ME3: variants seen among roughly 807,000 people sequenced by gnomAD.
The protein encoded by ME3 is NADP-dependent malic enzyme, mitochondrial.
Under a neutral mutation model 68.9 loss-of-function variants are expected in ME3, and 48 were observed. That is an observed-to-expected ratio of 0.70 (90% CI 0.55 to 0.89). The LOEUF (loss-of-function observed/expected upper bound fraction) is 0.89, where lower values mean the gene tolerates loss of function less well. ME3 is among the 40% of genes least tolerant of loss of function. The probability of loss-of-function intolerance (pLI) is 0.00; values close to 1 mark genes in which losing one functional copy is unlikely to be tolerated. For synonymous variants in ME3, 320 were observed against 318.8 expected, an observed-to-expected ratio of 1.00 and a Z score of -0.04; for missense variants, 675 against 797.4, an observed-to-expected ratio of 0.85 and a Z score of 1.85.
chr11:86,595,767 G>C (rs1486746867), intron 2 of ME3, among the ~76,000 whole-genome samples: 1 of 152,250 alleles, frequency 6.6e-6, no homozygotes, highest in African/African-American at 2.4e-5. Context: ...ATGTGTAAGA[G>C]GCAAGGCTGG....
At chr11:86,659,725 T>G (rs1436039888) in intron 2 of ME3, among the ~76,000 whole-genome samples, 6 of 152,170 alleles carry the variant, frequency 3.9e-5, no homozygotes, top group Admixed American at 3.3e-4. Flanking sequence ...AAACAACATT[T>G]TAACTTTTAT....
chr11:86,585,131 CTG>C (rs144800359), intron 2 of ME3, among the ~76,000 whole-genome samples: 11,004 of 152,178 alleles, frequency 0.072, 755 homozygotes, highest in African/African-American at 0.17. Context: ...AGGACCAAGA[CTG>C]TGCAGTGTGT....
chr11:86,621,086 C>T (rs1350507241), intron 2 of ME3, among the ~76,000 whole-genome samples: 1 of 152,168 alleles, frequency 6.6e-6, no homozygotes, highest in Non-Finnish European at 1.5e-5. Flanking sequence ...AATAAAGTGT[C>T]CAGACCAAAA....
At chr11:86,650,868 C>T (rs1945362590) in intron 2 of ME3, among the ~76,000 whole-genome samples, 1 of 152,196 alleles carries the variant, frequency 6.6e-6, no homozygotes, top group African/African-American at 2.4e-5. Context: ...TGACAGAGGG[C>T]ACCAGGAAAA....
intron 2 of ME3, among the ~76,000 whole-genome samples, chr11:86,583,765 A>G (rs959023776): frequency 6.6e-6 from 1 of 152,158 alleles, no homozygotes; most frequent in Admixed American, 6.5e-5. Flanking sequence ...TATTGAGAAA[A>G]CTGTATATCC....
At chr11:86,527,767 T>G (rs10898495) in intron 4 of ME3, among the ~76,000 whole-genome samples, 36,415 of 152,062 alleles carry the variant, frequency 0.24, 4,472 homozygotes, top group African/African-American at 0.27. Flanking sequence ...GCTTCATAAG[T>G]GAAGGAGAAA....
At chr11:86,464,997 G>A in intron 8 of ME3, 94 bp downstream of exon 8, 1 of 974,440 alleles carries the variant, frequency 1.0e-6, no homozygotes, top group South Asian at 1.3e-5. Flanking sequence ...ACCAACTATG[G>A]GGTGACAGCC....
chr11:86,523,351 G>C (rs1342286072), intron 4 of ME3, among the ~76,000 whole-genome samples: 1 of 152,214 alleles, frequency 6.6e-6, no homozygotes, highest in Non-Finnish European at 1.5e-5. Context: ...ACTGAGGTAA[G>C]TTGGCAAAGT....
At chr11:86,646,200 G>C (rs183721085) in intron 2 of ME3, among the ~76,000 whole-genome samples, 32 of 152,298 alleles carry the variant, frequency 2.1e-4, no homozygotes, top group Non-Finnish European at 4.0e-4. Flanking sequence ...GACAAAGAAT[G>C]AGTTTGAATT....
At chr11:86,468,023 C>T (rs1950582819) in intron 7 of ME3, among the ~76,000 whole-genome samples, 1 of 152,100 alleles carries the variant, frequency 6.6e-6, no homozygotes, top group South Asian at 2.1e-4. Flanking sequence ...GTAACCATCC[C>T]CTGGCTGCTT....
chr11:86,615,986 C>A (rs1212589308), intron 2 of ME3, among the ~76,000 whole-genome samples: 1 of 152,206 alleles, frequency 6.6e-6, no homozygotes. Context: ...AACTTATAGT[C>A]TCACCACCAA....
intron 8 of ME3, among the ~76,000 whole-genome samples, chr11:86,457,000 C>T (rs1949977388): frequency 6.6e-6 from 1 of 152,224 alleles, no homozygotes; most frequent in Admixed American, 6.5e-5. Flanking sequence ...ACCAAGTCTT[C>T]AGACCCTCTG....
At chr11:86,584,687 A>G (rs1048574567) in intron 2 of ME3, among the ~76,000 whole-genome samples, 1 of 152,366 alleles carries the variant, frequency 6.6e-6, no homozygotes, top group African/African-American at 2.4e-5. Context: ...ACAATGAGCC[A>G]GTCACAGAAG....
At chr11:86,588,546 A>G (rs1189279645) in intron 2 of ME3, among the ~76,000 whole-genome samples, 1 of 152,178 alleles carries the variant, frequency 6.6e-6, no homozygotes, top group Non-Finnish European at 1.5e-5. Flanking sequence ...TTCAACCCCA[A>G]TACGTTTGGC....
chr11:86,545,920 A>G (rs1956333816), intron 4 of ME3, among the ~76,000 whole-genome samples: 1 of 152,220 alleles, frequency 6.6e-6, no homozygotes, highest in Non-Finnish European at 1.5e-5. Flanking sequence ...ATTATACTAC[A>G]AGGCTTCAGT....
chr11:86,518,095 A>G (rs1448056003), intron 4 of ME3, among the ~76,000 whole-genome samples: 1 of 152,244 alleles, frequency 6.6e-6, no homozygotes, highest in African/African-American at 2.4e-5. Flanking sequence ...CTGAGTGAGA[A>G]AAATTTCCAG....
intron 6 of ME3, among the ~76,000 whole-genome samples, chr11:86,496,267 G>C (rs763465516): frequency 6.6e-6 from 1 of 152,098 alleles, no homozygotes; most frequent in African/African-American, 2.4e-5. Flanking sequence ...TTAGCTGAGC[G>C]TGGTAGCACA....
At chr11:86,487,191 C>G in intron 7 of ME3, 146 bp downstream of exon 7, 1 of 667,590 alleles carries the variant, frequency 1.5e-6, no homozygotes, top group Non-Finnish European at 2.7e-6. Flanking sequence ...CTTATCACTC[C>G]TAGGGGTCAA....
At chr11:86,447,142 G>A (rs368715739) in exon 12 of ME3, 8 of 1,614,182 alleles carry the variant, frequency 5.0e-6, no homozygotes, top group South Asian at 2.2e-5. Context: ...ATGATAGGGC[G>A]CTCGTGGAAG....
Sources: gnomAD v4.1 joint callset for allele counts (sites outside exome capture counted in the v4.1 genomes callset) on GRCh38, gnomAD v4.1.1 for gene constraint, MANE v1.5 for transcripts, NCBI Gene and HGNC (gene_info 2026-07-23, HGNC 2026-07-21) for gene names.